The following MED13L variants were observed in gnomAD, a reference collection of about 807,000 sequenced individuals.
MED13L encodes mediator complex subunit 13L.
A neutral mutation model predicts 220.9 loss-of-function variants in MED13L; 7 were observed. That is an observed-to-expected ratio of 0.03 (90% CI 0.02 to 0.06). The LOEUF (loss-of-function observed/expected upper bound fraction) is 0.06. MED13L is among the 10% of genes least tolerant of loss of function. The pLI is 1.00. For missense variants in MED13L, 1,965 were observed against 2,760.5 expected, an observed-to-expected ratio of 0.71 and a Z score of 6.46; for synonymous variants, 1,011 against 1,015.2, an observed-to-expected ratio of 1.00 and a Z score of 0.08.
At chr12:116,055,802 C>T (rs957018844) in intron 4 of MED13L, among the ~76,000 whole-genome samples, 6 of 151,582 alleles carry the variant, frequency 4.0e-5, no homozygotes, top group African/African-American at 9.7e-5. Context: ...GCTGGAGGCA[C>T]GAGAATCGCT....
chr12:116,173,613 A>G (rs1003576051), intron 2 of MED13L, among the ~76,000 whole-genome samples: 9 of 152,182 alleles, frequency 5.9e-5, no homozygotes, highest in African/African-American at 2.2e-4. Flanking sequence ...AAGCATTTCA[A>G]TCCGAGATGT....
At chr12:116,276,814 C>T in intron 1 of MED13L, 1 of 1,163,310 alleles carries the variant, frequency 8.6e-7, no homozygotes, top group Non-Finnish European at 1.2e-6. Flanking sequence ...GAGACTTCCA[C>T]ATGCAAATTC....
chr12:116,008,078 A>ACCACCG, intron 10 of MED13L: 1 of 363,924 alleles, frequency 2.7e-6, no homozygotes, highest in African/African-American at 2.1e-5. Flanking sequence ...TCAACATACA[A>ACCACCG]AGAAGGCACT....
chr12:116,251,657 A>G (rs1871575797), intron 1 of MED13L, among the ~76,000 whole-genome samples: 1 of 151,208 alleles, frequency 6.6e-6, no homozygotes, highest in Admixed American at 6.6e-5. Flanking sequence ...GCTACTCGGG[A>G]GGCTGAGGCA....
At chr12:116,075,690 T>A (rs1870726634) in intron 4 of MED13L, among the ~76,000 whole-genome samples, 1 of 152,220 alleles carries the variant, frequency 6.6e-6, no homozygotes, top group African/African-American at 2.4e-5. Context: ...AGTACACATC[T>A]AGACCTGCAA....
intron 7 of MED13L, among the ~76,000 whole-genome samples, chr12:116,018,130 T>C (rs948391711): frequency 2.0e-5 from 3 of 152,160 alleles, no homozygotes; most frequent in African/African-American, 4.8e-5. Flanking sequence ...CTTGTATATA[T>C]TACCTAGTAT....
At position 116,147,281 on chromosome 12, in the gene MED13L, AT is replaced by A. The variant is rs1347553120; in HGVS notation, c.311-35770del. The stretch of plus-strand genomic sequence containing the variant: ...ATTTATCATTTCAAATAGTAAAAAA[AT>A]AAATATTAACACCTGACTTTACTTG... On this transcript the variant is annotated intron_variant, in intron 2 of 30. Coordinates refer to ENST00000281928, the MANE Select transcript of MED13L (RefSeq NM_015335.5). Among the ~76,000 whole-genome samples the A allele has an allele frequency of 2.6e-5, 4 of 152,344 alleles. No homozygotes were observed. The East Asian group carries it at 7.7e-4, about 29-fold the overall frequency.
At chr12:116,102,040 A>T (rs1384475471) in intron 3 of MED13L, among the ~76,000 whole-genome samples, 1 of 152,212 alleles carries the variant, frequency 6.6e-6, no homozygotes, top group African/African-American at 2.4e-5. Context: ...ATGGTCTTTA[A>T]GCAATAGTAC....
intron 1 of MED13L, among the ~76,000 whole-genome samples, chr12:116,275,722 C>A (rs1358939824): frequency 6.6e-6 from 1 of 152,134 alleles, no homozygotes; most frequent in African/African-American, 2.4e-5. Flanking sequence ...AATGCATGCT[C>A]TCCAAAAGGG....
chr12:116,125,815 A>T lies in MED13L; in HGVS notation c.311-14303T>A, dbSNP rs542647309. ...ACCACACATTAAAAATTTTTATTTT[A>T]AAAACATTTCAGTTTAAATGTATTC... On this transcript the variant is annotated intron_variant, in intron 2 of 30. Transcript: ENST00000281928. 3.3e-5 allele frequency among the ~76,000 whole-genome samples: 5 copies of T among 152,328 alleles called. No individual in the cohort carries two copies. In the East Asian group the frequency reaches 9.6e-4, roughly 29 times the overall value.
intron 4 of MED13L, among the ~76,000 whole-genome samples, chr12:116,074,534 C>A (rs1481805886): frequency 3.3e-5 from 5 of 152,104 alleles, no homozygotes; most frequent in Non-Finnish European, 4.4e-5. Context: ...ACTTTTTCTT[C>A]CATAACTCTA....
intron 4 of MED13L, among the ~76,000 whole-genome samples, chr12:116,080,292 T>A (rs193189660): frequency 1.3e-5 from 2 of 152,238 alleles, no homozygotes; most frequent in East Asian, 3.9e-4. Flanking sequence ...ACTAACACCA[T>A]CCAGCATGCA....
intron 2 of MED13L, among the ~76,000 whole-genome samples, chr12:116,181,519 T>G (rs1880524195): frequency 6.6e-6 from 1 of 152,186 alleles, no homozygotes; most frequent in East Asian, 1.9e-4. Flanking sequence ...TTTTTTGTTT[T>G]GTTTTGAGAC....
chr12:116,171,356 G>A (rs1879670305), intron 2 of MED13L, among the ~76,000 whole-genome samples: 1 of 152,224 alleles, frequency 6.6e-6, no homozygotes, highest in Non-Finnish European at 1.5e-5. Flanking sequence ...ATGGATTTAT[G>A]CAGCCAGCTC....
At chr12:116,165,156 T>A (rs942794679) in intron 2 of MED13L, among the ~76,000 whole-genome samples, 2 of 151,398 alleles carry the variant, frequency 1.3e-5, no homozygotes, top group Non-Finnish European at 2.9e-5. Context: ...TTCAGACTCC[T>A]GACACAAAAA....
Position 115,991,444 on chromosome 12 carries a change from G to T in MED13L, c.3510C>A (p.Arg1170=). The T allele has an allele frequency of 6.2e-7, 1 of 1,614,054 alleles. No individual in the cohort carries two copies. The highest frequency in any genetic ancestry group is 8.5e-7 in the Non-Finnish European group (1 of 1,180,020). The change falls in exon 17 of 31, where the codon CGC becomes CGA. Residue 1170 remains arginine (R), a synonymous_variant. Coordinates refer to ENST00000281928, the MANE Select transcript of MED13L (RefSeq NM_015335.5). This position sits in a 1 kb window ranked among gnomAD's most constrained non-coding sequence, Gnocchi z 7.7. The part of the protein sequence containing the change: ...CTCGFSAIMN[R]KLGYNSGLFL... ...AGAGTCCTGAATTGTAGCCAAGTTT[G>T]CGGTTCATAATCGCACTAAACCCAC...
Position 116,005,272 on chromosome 12 carries a change from G to A in MED13L, c.2469+597C>T, listed in dbSNP as rs147519631. Among the ~76,000 whole-genome samples, 519 of 152,268 alleles carry A rather than the reference G, an allele frequency of 3.4e-3. 5 individuals are homozygous for A. Among genetic ancestry groups the A allele is most frequent in the Middle Eastern group, 0.02 (6 of 294 alleles). ...CCCAAAGGTACAGAGTTGGTTAGGAGGATGAGGACACACATTTCCTGACTC... is the reference window on the plus strand; with the variant it reads ...CCCAAAGGTACAGAGTTGGTTAGGAAGATGAGGACACACATTTCCTGACTC... On this transcript the variant is annotated intron_variant, in intron 13 of 30. Transcript: ENST00000281928.
At position 115,983,186 on chromosome 12, in the gene MED13L, T is replaced by C; in HGVS notation, c.4886A>G (p.Asn1629Ser). The part of the protein sequence containing the change: ...GGISADRTQG[N>S]IGCGGDTDPG... ...GTCAGTGTCTCCACCACAGCCTATG[T>C]TCCCTTGCGTTCTATCCGCAGAAAT... The change falls in exon 21 of 31, where the codon AAC (asparagine) becomes AGC (serine). Residue 1629 changes from asparagine to serine, a missense_variant. By Grantham distance (46) the Asn-to-Ser change is conservative (BLOSUM62 1). Transcript: ENST00000281928. 4 of 1,614,146 alleles carry C rather than the reference T, an allele frequency of 2.5e-6. No individual in the cohort carries two copies. In the African/African-American group the frequency reaches 4.0e-5, roughly 16 times the overall value.
chr12:116,141,837 T>A (rs1340943039), intron 2 of MED13L, among the ~76,000 whole-genome samples: 1 of 152,124 alleles, frequency 6.6e-6, no homozygotes, highest in Non-Finnish European at 1.5e-5. Context: ...TCAGAACCCT[T>A]CAATGGCTTC....
Sources: gnomAD v4.1 joint callset for allele counts (sites outside exome capture counted in the v4.1 genomes callset) on GRCh38, gnomAD v4.1.1 for gene constraint, Gnocchi (gnomAD v3.1) non-coding constraint, MANE v1.5 for transcripts, NCBI Gene and HGNC (gene_info 2026-07-23, HGNC 2026-07-21) for gene names.